The following PLCL2 variants were observed in gnomAD, a reference collection of about 807,000 sequenced individuals.
PLCL2 encodes the protein phospholipase C like 2, also known as inactive phospholipase C-like protein 2.
A neutral mutation model predicts 79.6 loss-of-function variants in PLCL2; 4 were observed. The ratio of observed to expected loss-of-function variants is 0.05; its 90% CI spans 0.02 to 0.11. The LOEUF is 0.11. Ranked by LOEUF, PLCL2 falls within the 10% of genes least tolerant of loss-of-function variation. The pLI is 1.00. For missense variants in PLCL2, 895 were observed against 1,291.0 expected, an observed-to-expected ratio of 0.69 and a Z score of 4.70; for synonymous variants, 484 against 457.7, an observed-to-expected ratio of 1.06 and a Z score of -0.73.
At chr3:16,953,137 C>T (rs1236125605) in intron 1 of PLCL2, among the ~76,000 whole-genome samples, 2 of 151,944 alleles carry the variant, frequency 1.3e-5, no homozygotes, top group Non-Finnish European at 2.9e-5. Context: ...GAAAAACTGA[C>T]CAAGACATAT....
rs1360144143 is a variant in PLCL2 at position 17,010,605 on chromosome 3, A to T, written c.1259A>T (p.Glu420Val). ...CCTGACTGTTATATATTCGATCCAG[A>T]ACATAAGAAGGTCTGTCAGGATATG... ...MSPDCYIFDP[E>V]HKKVCQDMKQ... The change falls in exon 2 of 6, where the codon GAA becomes GTA. Residue 420 changes from glutamate (E) to valine (V), a missense_variant. This residue lies in a region of PLCL2 where 242 missense variants were observed against 399.5 expected (regional missense o/e 0.61). Transcript: ENST00000615277. The surrounding 1 kb of genome is among the most constrained non-coding windows in gnomAD (Gnocchi z 5.8). The T allele has an allele frequency of 1.3e-5, 21 of 1,614,034 alleles. No homozygotes were observed. Among genetic ancestry groups the T allele is most frequent in the Non-Finnish European group, 1.8e-5 (21 of 1,180,016 alleles).
chr3:17,053,414 C>T (rs11128817), intron 4 of PLCL2, among the ~76,000 whole-genome samples: 4,849 of 152,212 alleles, frequency 0.032, 119 homozygotes, highest in South Asian at 0.062. Context: ...GATTCAGTCA[C>T]CTCCCACCAG....
At chr3:17,084,200 A>G (rs764938866) in intron 5 of PLCL2, among the ~76,000 whole-genome samples, 14 of 152,314 alleles carry the variant, frequency 9.2e-5, no homozygotes, top group Middle Eastern at 3.4e-3. Flanking sequence ...AAATAGGCCA[A>G]TTCCTTGAAA....
intron 3 of PLCL2, among the ~76,000 whole-genome samples, chr3:17,041,163 T>C (rs2064717350): frequency 6.6e-6 from 1 of 152,234 alleles, no homozygotes. Flanking sequence ...CGATTCATTT[T>C]TATTGCTGCC....
chr3:17,008,734 G>C (rs2064289452), intron 1 of PLCL2, among the ~76,000 whole-genome samples: 2 of 152,126 alleles, frequency 1.3e-5, no homozygotes, highest in Non-Finnish European at 2.9e-5. Context: ...GCTTCACTTA[G>C]CTCCTCTGTC....
chr3:16,895,167 T>C (rs546746639), intron 1 of PLCL2, among the ~76,000 whole-genome samples: 3 of 152,164 alleles, frequency 2.0e-5, no homozygotes, highest in Non-Finnish European at 2.9e-5. Flanking sequence ...GAAAATGTCT[T>C]CTAGTATGTG....
In PLCL2 at chr3:16,968,604, T is replaced by C. The variant is rs866875841; in HGVS notation, c.328-41070T>C. On this transcript the variant is annotated intron_variant, in intron 1 of 5. Transcript: ENST00000615277. ...GTTGGTGTATATAAATGCTATTTAT[T>C]TTTGTACGTTGATTTTGTATCCTGA... 3.3e-5 allele frequency among the ~76,000 whole-genome samples: 5 copies of C among 152,264 alleles called. No individual in the cohort carries two copies. The South Asian group carries it at 6.2e-4, about 19-fold the overall frequency.
At chr3:17,019,890 G>A (rs1407872614) in intron 3 of PLCL2, among the ~76,000 whole-genome samples, 1 of 152,152 alleles carries the variant, frequency 6.6e-6, no homozygotes, top group Non-Finnish European at 1.5e-5. Flanking sequence ...GTAATTAAGG[G>A]CTGGTAAGAG....
intron 4 of PLCL2, among the ~76,000 whole-genome samples, chr3:17,055,473 C>T (rs1452573109): frequency 6.6e-6 from 1 of 152,150 alleles, no homozygotes; most frequent in Non-Finnish European, 1.5e-5. Context: ...TCTCTAGAAA[C>T]CGCTGTCTCA....
chr3:17,036,188 C>A (rs1346999727), intron 3 of PLCL2, among the ~76,000 whole-genome samples: 1 of 152,148 alleles, frequency 6.6e-6, no homozygotes, highest in Non-Finnish European at 1.5e-5. Flanking sequence ...GGACTGCAGC[C>A]ACAATGCTCT....
chr3:16,924,542 C>T (rs1697200201), intron 1 of PLCL2, among the ~76,000 whole-genome samples: 1 of 152,184 alleles, frequency 6.6e-6, no homozygotes, highest in South Asian at 2.1e-4. Flanking sequence ...CCTATTTGCA[C>T]AGACCCTGGA....
rs540558271 is a variant in PLCL2, at chr3:16,886,016, C to T, written c.327+650C>T. ...CTTTTTCCTTGCTGCAGTAGGCAGG[C>T]CTCGAGTACTGTGGAAGTTCTTTTG... On this transcript the variant is annotated intron_variant, in intron 1 of 5. Coordinates refer to ENST00000615277, the MANE Select transcript of PLCL2 (RefSeq NM_001144382.2). The surrounding 1 kb of genome is among the most constrained non-coding windows in gnomAD (Gnocchi z 4.2). Among the ~76,000 whole-genome samples the T allele has an allele frequency of 3.3e-5, 5 of 152,280 alleles. No homozygotes were observed. In the East Asian group the frequency reaches 9.6e-4, roughly 29 times the overall value.
intron 5 of PLCL2, among the ~76,000 whole-genome samples, chr3:17,085,258 C>T (rs999014112): frequency 6.6e-6 from 1 of 152,034 alleles, no homozygotes; most frequent in African/African-American, 2.4e-5. Flanking sequence ...ACCTCAGCCT[C>T]ACAAGTAGCT....
chr3:16,955,594 A>G (rs2063696873), intron 1 of PLCL2, among the ~76,000 whole-genome samples: 1 of 152,190 alleles, frequency 6.6e-6, no homozygotes, highest in African/African-American at 2.4e-5. Context: ...TGGGGATGGC[A>G]TTGAATCTAT....
At chr3:17,076,795 C>T (rs770179431) in intron 5 of PLCL2, among the ~76,000 whole-genome samples, 1 of 152,102 alleles carries the variant, frequency 6.6e-6, no homozygotes, top group Non-Finnish European at 1.5e-5. Flanking sequence ...CAGCCGTTTC[C>T]TTTTTGTTTT....
intron 1 of PLCL2, among the ~76,000 whole-genome samples, chr3:16,894,452 G>A (rs942896512): frequency 6.6e-6 from 1 of 152,138 alleles, no homozygotes; most frequent in Admixed American, 6.5e-5. Flanking sequence ...AATAATATTA[G>A]CAGTAGAATT....
chr3:16,893,899 G>GTC (rs1212913402), intron 1 of PLCL2, among the ~76,000 whole-genome samples: 3 of 152,154 alleles, frequency 2.0e-5, no homozygotes, highest in East Asian at 3.8e-4. Context: ...CAAATCCTGT[G>GTC]TCTCTCTCTC....
chr3:16,985,561 C>G (rs1252440598), intron 1 of PLCL2, among the ~76,000 whole-genome samples: 1 of 152,104 alleles, frequency 6.6e-6, no homozygotes, highest in Non-Finnish European at 1.5e-5. Flanking sequence ...AGCTGAGAGG[C>G]CTGTATCTCT....
At chr3:16,891,515 A>C (rs1696349505) in intron 1 of PLCL2, among the ~76,000 whole-genome samples, 1 of 151,870 alleles carries the variant, frequency 6.6e-6, no homozygotes, top group Non-Finnish European at 1.5e-5. Context: ...GCTTTCAATA[A>C]TTGTTTTGGT....
Sources: allele counts gnomAD v4.1 joint callset (sites outside exome capture counted in the v4.1 genomes callset), GRCh38; gene constraint gnomAD v4.1.1; regional missense constraint gnomAD v4.1.1; non-coding constraint Gnocchi (gnomAD v3.1); transcripts MANE v1.5; gene names NCBI Gene and HGNC (gene_info 2026-07-23, HGNC 2026-07-21).